The following R3HDM2 variants were observed in gnomAD, a reference collection of about 807,000 sequenced individuals.
R3HDM2 encodes the protein R3H domain containing 2.
Under a neutral mutation model 124.5 loss-of-function variants are expected in R3HDM2, and 38 were observed. The ratio of observed to expected loss-of-function variants is 0.31; its 90% CI spans 0.24 to 0.40. R3HDM2 has a LOEUF of 0.40. R3HDM2 is among the 10% of genes least tolerant of loss of function. R3HDM2 has a pLI of 1.00. For synonymous variants in R3HDM2, 391 were observed against 448.0 expected (o/e 0.87, Z 1.61); for missense variants, 869 against 1,236.9 (o/e 0.70, Z 4.46).
chr12:57,268,306 G>C lies in R3HDM2; in HGVS notation c.2027C>G (p.Thr676Arg), dbSNP rs772376473. The stretch of plus-strand genomic sequence containing the variant: ...CTGGCTCTCTGGGAGTCCTCACCTC[G>C]TACCGTTCTGCTGAGCAGGTGGGAT... ...SMIPPAQQNG[T>R]SPSVGFLQPP... Residue 676 changes from threonine (T) to arginine (R), a missense_variant, in exon 18 of 24, where the codon ACG becomes AGG. Physicochemically the swap from Thr to Arg is moderately conservative, Grantham distance 71. Coordinates refer to ENST00000402412, the MANE Select transcript of R3HDM2 (RefSeq NM_001394031.1). The C allele has an allele frequency of 6.2e-7, 1 of 1,613,506 alleles. No individual in the cohort carries two copies. Among genetic ancestry groups the C allele is most frequent in the Non-Finnish European group, 8.5e-7 (1 of 1,179,678 alleles).
At chr12:57,280,240 G>C (rs1314080458) in intron 14 of R3HDM2, 118 bp downstream of exon 14, 1 of 1,060,200 alleles carries the variant, frequency 9.4e-7, no homozygotes, top group Non-Finnish European at 1.3e-6. Flanking sequence ...GGGGGAGAGA[G>C]TGGCATGTCT....
intron 1 of R3HDM2, among the ~76,000 whole-genome samples, chr12:57,412,878 G>A (rs1385861387): frequency 1.3e-5 from 2 of 151,822 alleles, no homozygotes; most frequent in African/African-American, 2.4e-5. Flanking sequence ...CGGGCCGGGT[G>A]CAGTGGCTCA....
At chr12:57,404,109 G>A (rs2068303076) in intron 1 of R3HDM2, among the ~76,000 whole-genome samples, 1 of 79,156 alleles carries the variant, frequency 1.3e-5, no homozygotes, top group Non-Finnish European at 2.3e-5. Context: ...TTGTTGCCCA[G>A]GCTGGAGTGC....
intron 1 of R3HDM2, among the ~76,000 whole-genome samples, chr12:57,408,127 C>T (rs746518988): frequency 2.0e-5 from 3 of 152,188 alleles, no homozygotes; most frequent in Non-Finnish European, 4.4e-5. Flanking sequence ...AACAAGGTTT[C>T]ACCATGTTGG....
intron 1 of R3HDM2, 139 bp downstream of exon 1, chr12:57,430,581 C>T (rs1048820192): frequency 2.0e-6 from 2 of 985,048 alleles, no homozygotes; most frequent in African/African-American, 3.5e-5. Context: ...CCGACCCTGA[C>T]CCATCGTCCC....
intron 21 of R3HDM2, 93 bp from the exon 22 acceptor site, chr12:57,256,604 C>G: frequency 2.4e-6 from 2 of 844,014 alleles, no homozygotes; most frequent in Non-Finnish European, 3.6e-6. Context: ...AGCAACAATG[C>G]ATACTATTCC....
chr12:57,384,707 T>C (rs980156468), intron 2 of R3HDM2, among the ~76,000 whole-genome samples: 1 of 152,238 alleles, frequency 6.6e-6, no homozygotes, highest in Non-Finnish European at 1.5e-5. Context: ...TACATACTAA[T>C]AAAGCTGTAA....
chr12:57,311,391 AATTTTTTCT>A (rs1314393482), intron 2 of R3HDM2, among the ~76,000 whole-genome samples: 1 of 144,230 alleles, frequency 6.9e-6, no homozygotes, highest in African/African-American at 2.5e-5. Flanking sequence ...ACGCTCAGCT[AATTTTTTCT>A]ATTTTTTAGT....
At chr12:57,404,525 G>A (rs536426865) in intron 1 of R3HDM2, among the ~76,000 whole-genome samples, 268 of 151,320 alleles carry the variant, frequency 1.8e-3, no homozygotes, top group Non-Finnish European at 3.3e-3. Flanking sequence ...GTGAAACCTC[G>A]TCTCTATTAA....
In R3HDM2 at chr12:57,401,649, T is replaced by G. The variant is rs927836651; in HGVS notation, c.-105-5831A>C. Among the ~76,000 whole-genome samples, 14 of 152,274 alleles carry G rather than the reference T, an allele frequency of 9.2e-5. No homozygotes were observed. In the South Asian group the frequency reaches 2.9e-3, roughly 32 times the overall value. On this transcript the variant is annotated intron_variant, in intron 1 of 23. Transcript: ENST00000402412. Reference sequence around the variant, plus strand: ...CAAGTGAAAATCAGAATTTTGAAAATCATGTAATCACTATGATGAGCTTGA... The same window carrying G: ...CAAGTGAAAATCAGAATTTTGAAAAGCATGTAATCACTATGATGAGCTTGA...
Position 57,296,702 on chromosome 12 carries a change from C to A in R3HDM2, c.561-151G>T. The A allele has an allele frequency of 2.4e-6, 2 of 819,904 alleles. No homozygotes were observed. Among genetic ancestry groups the A allele is most frequent in the Non-Finnish European group, 3.7e-6 (2 of 542,556 alleles). 50.8% of individuals were successfully genotyped at this position (819,904 alleles called of 1,614,324 possible). A position where few individuals can be genotyped will look rare whatever the true frequency, so the allele number is the denominator to read the frequency against. On this transcript the variant is annotated intron_variant, in intron 8 of 23. Transcript: ENST00000402412. This position sits in a 1 kb window ranked among gnomAD's most constrained non-coding sequence, Gnocchi z 4.5. ...ATATAGATATTTACTAAATGGGAAC[C>A]AAATAGGTTTTTCTCAGTTTCTTTA... is the stretch of plus-strand genomic sequence containing the variant.
rs538124728 is a variant in R3HDM2, at chr12:57,423,529, C to G, written c.-106+7191G>C. ...CTGTCTCTACCAACAGCATTAGAAACTTTAAGTGGGCCAGGCGTGGTGCCT... is the reference window on the plus strand; with the variant it reads ...CTGTCTCTACCAACAGCATTAGAAAGTTTAAGTGGGCCAGGCGTGGTGCCT... On this transcript the variant is annotated intron_variant, in intron 1 of 23. Coordinates refer to ENST00000402412, the MANE Select transcript of R3HDM2 (RefSeq NM_001394031.1). Among the ~76,000 whole-genome samples the G allele has an allele frequency of 2.0e-5, 3 of 151,658 alleles. No homozygotes were observed. The South Asian group carries it at 6.3e-4, about 32-fold the overall frequency.
chr12:57,307,821 G>A (rs748313753), intron 3 of R3HDM2, among the ~76,000 whole-genome samples: 6 of 151,724 alleles, frequency 4.0e-5, no homozygotes, highest in Non-Finnish European at 8.8e-5. Context: ...TGATGAAGGG[G>A]TAAATGGTAT....
chr12:57,423,842 C>G (rs2070445544), intron 1 of R3HDM2, among the ~76,000 whole-genome samples: 1 of 126,656 alleles, frequency 7.9e-6, no homozygotes, highest in Admixed American at 9.0e-5. Context: ...AGGCCAGGTG[C>G]AGTGGCTTAC....
At position 57,430,943 on chromosome 12, in the gene R3HDM2, G is replaced by A. The variant is rs2139802221; in HGVS notation, c.-329C>T. The A allele has an allele frequency of 7.2e-6, 1 of 139,696 alleles. No homozygotes were observed. Among genetic ancestry groups the A allele is most frequent in the Admixed American group, 7.1e-5 (1 of 14,096 alleles). The allele number at this position is 139,696 out of a possible 1,614,324, so 8.7% of individuals were successfully genotyped here. Reference sequence around the variant, plus strand: ...GGAGGGGGGAGAGGGGAAGAAAAGGGGGGAACCAAACCCGGAAAGGGAGAA... The same window carrying A: ...GGAGGGGGGAGAGGGGAAGAAAAGGAGGGAACCAAACCCGGAAAGGGAGAA... On this transcript the variant is annotated 5_prime_UTR_variant, in exon 1 of 24. Coordinates refer to ENST00000402412, the MANE Select transcript of R3HDM2 (RefSeq NM_001394031.1).
intron 20 of R3HDM2, 106 bp from the exon 21 acceptor site, chr12:57,258,243 G>T: frequency 9.1e-7 from 1 of 1,098,004 alleles, no homozygotes; most frequent in Non-Finnish European, 1.2e-6. Context: ...AGTTTCTCTT[G>T]CTGAACTCTG....
chr12:57,261,595 A>G (rs1286952647), intron 19 of R3HDM2, among the ~76,000 whole-genome samples: 1 of 152,070 alleles, frequency 6.6e-6, no homozygotes. Flanking sequence ...TCCTCCCCAC[A>G]CTGAGTCCTC....
At chr12:57,421,161 C>A (rs185001947) in intron 1 of R3HDM2, among the ~76,000 whole-genome samples, 2 of 119,268 alleles carry the variant, frequency 1.7e-5, no homozygotes, top group Non-Finnish European at 3.4e-5. Flanking sequence ...CTAACAGATT[C>A]TTTTTTTTTT....
At chr12:57,335,956 G>T (rs2058800205) in intron 2 of R3HDM2, among the ~76,000 whole-genome samples, 1 of 151,744 alleles carries the variant, frequency 6.6e-6, no homozygotes, top group Non-Finnish European at 1.5e-5. Context: ...CTTCTCAAAA[G>T]AAGACATACA....
Sources: gnomAD v4.1 joint callset for allele counts (sites outside exome capture counted in the v4.1 genomes callset) on GRCh38, gnomAD v4.1.1 for gene constraint, Gnocchi (gnomAD v3.1) non-coding constraint, MANE v1.5 for transcripts, NCBI Gene and HGNC (gene_info 2026-07-23, HGNC 2026-07-21) for gene names.